Variants in DMD observed in about 807,000 individuals in gnomAD.
DMD encodes the protein mutant dystrophin.
DMD carries 63 observed loss-of-function variants against 330.1 expected under a neutral mutation model. The ratio of observed to expected loss-of-function variants is 0.19; its 90% CI spans 0.16 to 0.24. The LOEUF (loss-of-function observed/expected upper bound fraction) is 0.24, where lower values mean the gene tolerates loss of function less well. Among genes scored for constraint, DMD ranks in the 10% least tolerant of loss-of-function variants. The probability of loss-of-function intolerance (pLI) is 1.00; values close to 1 mark genes in which losing one functional copy is unlikely to be tolerated. For missense variants in DMD, 3,344 were observed against 2,684.1 expected, an observed-to-expected ratio of 1.25 and a Z score of -5.43; for synonymous variants, 1,223 against 959.8, an observed-to-expected ratio of 1.27 and a Z score of -5.07.
intron 45 of DMD, among the ~76,000 whole-genome samples, chrX:31,966,928 C>T (rs1569524461): frequency 9.1e-6 from 1 of 109,823 alleles, no homozygotes; most frequent in Non-Finnish European, 1.9e-5. Context: ...ATCTTCCAGT[C>T]GATTTAATCC....
chrX:31,342,405 T>C (rs1477682735), intron 61 of DMD, among the ~76,000 whole-genome samples: 1 of 112,095 alleles, frequency 8.9e-6, no homozygotes, highest in African/African-American at 3.2e-5. Context: ...CACAGTCACC[T>C]AAAACTGGAG....
rs1394183500 is a variant in DMD at position 31,189,893 on chromosome X, CT to C, written c.9808-6990del. ...ACTTTCTCAAACTGTCCAAAATTTCCTTTATCGATTACAGTAAATGTCCTTG... is the reference window on the plus strand; with the variant it reads ...ACTTTCTCAAACTGTCCAAAATTTCCTTATCGATTACAGTAAATGTCCTTG... On this transcript the variant is annotated intron_variant, in intron 67 of 78. Coordinates refer to ENST00000357033, the MANE Select transcript of DMD (RefSeq NM_004006.3). Among the ~76,000 whole-genome samples the C allele has an allele frequency of 3.6e-5, 4 of 112,560 alleles. No homozygotes were observed. In the South Asian group the frequency reaches 1.5e-3, roughly 41 times the overall value.
At position 31,121,785 on chromosome X, in the gene DMD, T is replaced by C; in HGVS notation, c.*134A>G. ...ACTCTTACTGTCTAATCCTCTTTGTTGTATGAATATTATAAAAACCATGCG... is the reference window on the plus strand; with the variant it reads ...ACTCTTACTGTCTAATCCTCTTTGTCGTATGAATATTATAAAAACCATGCG... On this transcript the variant is annotated 3_prime_UTR_variant, in exon 79 of 79. Coordinates refer to ENST00000357033, the MANE Select transcript of DMD (RefSeq NM_004006.3). The C allele has an allele frequency of 1.1e-6, 1 of 906,688 alleles. No homozygotes were observed. The highest frequency in any genetic ancestry group is 1.6e-6 in the Non-Finnish European group (1 of 618,193). The allele number at this position is 906,688 out of a possible 1,213,427, so 74.7% of individuals were successfully genotyped here.
At chrX:31,941,352 A>G (rs1376091624) in intron 45 of DMD, among the ~76,000 whole-genome samples, 1 of 111,489 alleles carries the variant, frequency 9.0e-6, no homozygotes, top group Non-Finnish European at 1.9e-5. Context: ...CTCCTCTGTC[A>G]AGTTCAATGG....
chrX:32,499,426 G>T (rs1196032969), intron 19 of DMD, among the ~76,000 whole-genome samples: 2 of 111,243 alleles, frequency 1.8e-5, no homozygotes, highest in African/African-American at 3.3e-5. Context: ...AATAATATGA[G>T]TGGTTTATAC....
Position 31,604,913 on chromosome X carries a change from A to G in DMD, c.8217+22760T>C, listed in dbSNP as rs144598968. On this transcript the variant is annotated intron_variant, in intron 55 of 78. Transcript: ENST00000357033. ...TTCGGAGGAAATCATTTATGTCAAA[A>G]GATTAAAACTGCTGTTTTCAATTGC... is the stretch of plus-strand genomic sequence containing the variant. Among the ~76,000 whole-genome samples, 621 of 112,249 alleles carry G rather than the reference A, an allele frequency of 5.5e-3. 5 individuals are homozygous for G. Among genetic ancestry groups the G allele is most frequent in the Middle Eastern group, 0.018 (4 of 219 alleles).
chrX:32,849,992 A>T (rs1359645547), intron 2 of DMD, among the ~76,000 whole-genome samples, 172 bp from the exon 3 acceptor site: 1 of 112,170 alleles, frequency 8.9e-6, no homozygotes, highest in Non-Finnish European at 1.9e-5. Context: ...AAAAAAATTT[A>T]AAAATTTTAT....
intron 55 of DMD, among the ~76,000 whole-genome samples, chrX:31,627,316 C>T (rs1182605634): frequency 8.9e-6 from 1 of 112,772 alleles, no homozygotes. Flanking sequence ...CATACAGATG[C>T]TTTCCCTGTA....
intron 2 of DMD, among the ~76,000 whole-genome samples, chrX:32,953,701 C>T (rs772045208): frequency 8.9e-6 from 1 of 112,111 alleles, no homozygotes; most frequent in South Asian, 3.7e-4. Context: ...TTTATATTGC[C>T]TTGATAGAAT....
intron 1 of DMD, among the ~76,000 whole-genome samples, chrX:33,196,607 A>T (rs1252907910): frequency 1.8e-5 from 2 of 112,244 alleles, no homozygotes; most frequent in Non-Finnish European, 3.8e-5. Context: ...TTAGAGTTAT[A>T]TACATTAGTT....
intron 30 of DMD, among the ~76,000 whole-genome samples, chrX:32,393,400 T>A (rs2098017911): frequency 9.0e-6 from 1 of 111,439 alleles, no homozygotes; most frequent in African/African-American, 3.3e-5. Flanking sequence ...TAACTTTATG[T>A]CCCAAATGAA....
chrX:31,754,478 A>G (rs745587285), intron 51 of DMD, among the ~76,000 whole-genome samples: 148 of 111,404 alleles, frequency 1.3e-3, no homozygotes, highest in African/African-American at 4.7e-3. Context: ...TGACTCATTA[A>G]AAGAGAGAGA....
intron 43 of DMD, among the ~76,000 whole-genome samples, chrX:32,279,038 A>G (rs989983834): frequency 4.5e-5 from 5 of 112,177 alleles, no homozygotes; most frequent in Non-Finnish European, 7.5e-5. Context: ...AAGACATACA[A>G]ATGGCAAACA....
At position 32,357,033 on chromosome X, in the gene DMD, C is replaced by T. The variant is rs192593396; in HGVS notation, c.5325+5755G>A. On this transcript the variant is annotated intron_variant, in intron 37 of 78. Coordinates refer to ENST00000357033, the MANE Select transcript of DMD (RefSeq NM_004006.3). ...CCTCCCAAGTAGCTGGGATTACAGG[C>T]GCCCACCACCATGCCCAGCTAATTT... Among the ~76,000 whole-genome samples, 192 of 111,073 alleles carry T rather than the reference C, an allele frequency of 1.7e-3. No homozygotes were observed. In the South Asian group the frequency reaches 0.019, roughly 11 times the overall value.
At chrX:32,473,304 G>A (rs1387830721) in intron 21 of DMD, among the ~76,000 whole-genome samples, 1 of 111,163 alleles carries the variant, frequency 9.0e-6, no homozygotes, top group Non-Finnish European at 1.9e-5. Context: ...AGATTCAGAA[G>A]GAAATACCTG....
At chrX:33,323,353 T>C (rs958191436) in intron 1 of DMD, among the ~76,000 whole-genome samples, 3 of 111,804 alleles carry the variant, frequency 2.7e-5, no homozygotes, top group Non-Finnish European at 5.6e-5. Context: ...AAGTAGCCCA[T>C]TAGCTGCTTT....
At chrX:33,304,360 C>T (rs1038176991) in intron 1 of DMD, among the ~76,000 whole-genome samples, 1 of 111,167 alleles carries the variant, frequency 9.0e-6, no homozygotes, top group Non-Finnish European at 1.9e-5. Flanking sequence ...ACTGGCTAGC[C>T]ATATGGAGAA....
intron 55 of DMD, among the ~76,000 whole-genome samples, chrX:31,515,451 A>G: frequency 8.9e-6 from 1 of 112,125 alleles, no homozygotes; most frequent in Middle Eastern, 4.7e-3. Flanking sequence ...ATTATCTCTA[A>G]GCTTTTCTGA....
intron 51 of DMD, among the ~76,000 whole-genome samples, chrX:31,731,554 G>A (rs1361486873): frequency 9.0e-6 from 1 of 111,389 alleles, no homozygotes; most frequent in Non-Finnish European, 1.9e-5. Flanking sequence ...AATACACAGG[G>A]CTGGCAAAAT....
Sources: gnomAD v4.1 joint callset for allele counts (sites outside exome capture counted in the v4.1 genomes callset) on GRCh38, gnomAD v4.1.1 for gene constraint, MANE v1.5 for transcripts, NCBI Gene and HGNC (gene_info 2026-07-23, HGNC 2026-07-21) for gene names.